The following DIS3L2 variants were observed in gnomAD, a reference collection of about 807,000 sequenced individuals.
The protein encoded by DIS3L2 is DIS3-like exonuclease 2.
DIS3L2 carries 34 observed loss-of-function variants against 97.5 expected under a neutral mutation model. That is an observed-to-expected ratio of 0.35 (90% CI 0.27 to 0.46). DIS3L2 has a LOEUF of 0.46. Ranked by LOEUF, DIS3L2 falls within the 20% of genes least tolerant of loss-of-function variation. DIS3L2 has a pLI of 1.00. For synonymous variants in DIS3L2, 435 were observed against 445.2 expected (o/e 0.98, Z 0.29); for missense variants, 1,038 against 1,146.0 (o/e 0.91, Z 1.36).
At chr2:232,039,809 G>C (rs1695059466) in intron 5 of DIS3L2, among the ~76,000 whole-genome samples, 1 of 152,158 alleles carries the variant, frequency 6.6e-6, no homozygotes, top group African/African-American at 2.4e-5. Context: ...CAGATCTCTT[G>C]ACTTACAGCT....
chr2:232,155,474 T>C (rs980519119), intron 8 of DIS3L2, among the ~76,000 whole-genome samples: 7 of 152,234 alleles, frequency 4.6e-5, no homozygotes, highest in Non-Finnish European at 7.3e-5. Context: ...CCCTGAGTTC[T>C]TGTATTTAGA....
At chr2:232,270,013 T>G (rs949385008) in intron 13 of DIS3L2, among the ~76,000 whole-genome samples, 18 of 152,074 alleles carry the variant, frequency 1.2e-4, no homozygotes, top group African/African-American at 3.1e-4. Context: ...TCGACAAGCC[T>G]GTAGCAAATT....
At chr2:232,231,615 A>G (rs981416211) in intron 10 of DIS3L2, among the ~76,000 whole-genome samples, 1 of 152,244 alleles carries the variant, frequency 6.6e-6, no homozygotes, top group African/African-American at 2.4e-5. Context: ...GTGAATTTTA[A>G]GTCACCTGAG....
At chr2:232,028,870 T>C (rs1349003803) in intron 4 of DIS3L2, among the ~76,000 whole-genome samples, 1 of 152,058 alleles carries the variant, frequency 6.6e-6, no homozygotes, top group Non-Finnish European at 1.5e-5. Flanking sequence ...TTTGGCAGAG[T>C]GTGCAAGCCA....
chr2:232,122,081 C>T (rs1697923495), intron 6 of DIS3L2, among the ~76,000 whole-genome samples: 1 of 152,172 alleles, frequency 6.6e-6, no homozygotes, highest in Non-Finnish European at 1.5e-5. Flanking sequence ...TCCTATAGCT[C>T]CCCATTGCCT....
intron 5 of DIS3L2, among the ~76,000 whole-genome samples, chr2:232,040,566 A>C (rs1285374418): frequency 6.6e-6 from 1 of 152,180 alleles, no homozygotes; most frequent in East Asian, 1.9e-4. Context: ...TTGGTTAACC[A>C]TAATGAGTTT....
intron 10 of DIS3L2, among the ~76,000 whole-genome samples, chr2:232,217,420 C>T (rs953338905): frequency 2.0e-5 from 3 of 152,214 alleles, no homozygotes; most frequent in African/African-American, 4.8e-5. Flanking sequence ...AGTTCTGCAG[C>T]ATATGCCAGC....
chr2:232,073,399 C>T (rs917209909), intron 5 of DIS3L2, among the ~76,000 whole-genome samples: 6 of 152,112 alleles, frequency 3.9e-5, no homozygotes, highest in East Asian at 1.9e-4. Flanking sequence ...AAGCCATTTC[C>T]GCGGAAAATG....
intron 8 of DIS3L2, among the ~76,000 whole-genome samples, chr2:232,162,606 G>A (rs373402112): frequency 1.3e-5 from 2 of 152,206 alleles, no homozygotes; most frequent in Non-Finnish European, 1.5e-5. Context: ...TGCTGAGGGC[G>A]GACTCTTGGA....
chr2:232,142,940 G>A (rs1690110605), intron 8 of DIS3L2, among the ~76,000 whole-genome samples: 1 of 152,124 alleles, frequency 6.6e-6, no homozygotes, highest in Non-Finnish European at 1.5e-5. Flanking sequence ...TCCAACATTG[G>A]ACCAACATGT....
chr2:232,237,652 C>T (rs1163332491), intron 10 of DIS3L2, among the ~76,000 whole-genome samples: 2 of 130,392 alleles, frequency 1.5e-5, no homozygotes, highest in African/African-American at 2.9e-5. Flanking sequence ...GTGTGGAGTA[C>T]GTGCTTTACA....
chr2:232,037,673 C>T lies in DIS3L2; in HGVS notation c.366+7593C>T, dbSNP rs146377902. ...CCAGGGCCCTTGTGGTATAGGCACCCGAGGGAATCTCCTGGTCTGAGGGTT... is the reference window on the plus strand; with the variant it reads ...CCAGGGCCCTTGTGGTATAGGCACCTGAGGGAATCTCCTGGTCTGAGGGTT... On this transcript the variant is annotated intron_variant, in intron 5 of 20. Coordinates refer to ENST00000325385, the MANE Select transcript of DIS3L2 (RefSeq NM_152383.5). The surrounding 1 kb of genome is among the most constrained non-coding windows in gnomAD (Gnocchi z 4.6). 5.5e-3 allele frequency among the ~76,000 whole-genome samples: 834 copies of T among 152,260 alleles called. 2 individuals are homozygous for T. The highest frequency in any genetic ancestry group is 0.034 in the Middle Eastern group (10 of 294).
intron 8 of DIS3L2, among the ~76,000 whole-genome samples, chr2:232,160,288 T>C (rs1319026795): frequency 6.6e-6 from 1 of 152,222 alleles, no homozygotes; most frequent in African/African-American, 2.4e-5. Context: ...TTCAGTTTCT[T>C]TAATAGATAC....
At chr2:232,010,756 C>T (rs1694176035) in intron 1 of DIS3L2, among the ~76,000 whole-genome samples, 1 of 152,188 alleles carries the variant, frequency 6.6e-6, no homozygotes, top group African/African-American at 2.4e-5. Flanking sequence ...ACTCCTGGGT[C>T]CTGCAAGTGT....
chr2:232,045,066 T>C (rs545161800), intron 5 of DIS3L2, among the ~76,000 whole-genome samples: 29 of 152,230 alleles, frequency 1.9e-4, no homozygotes, highest in African/African-American at 6.7e-4. Context: ...GAAAAAATCC[T>C]GGGTGTCATG....
At chr2:232,258,187 G>A (rs1325411358) in intron 12 of DIS3L2, among the ~76,000 whole-genome samples, 4 of 152,142 alleles carry the variant, frequency 2.6e-5, no homozygotes, top group African/African-American at 9.7e-5. Context: ...CCTTCAGTCA[G>A]TGTTGGCACT....
chr2:232,035,542 C>T (rs754859481), intron 5 of DIS3L2, among the ~76,000 whole-genome samples: 7 of 152,104 alleles, frequency 4.6e-5, no homozygotes, highest in Non-Finnish European at 8.8e-5. Context: ...CCTGTCATTA[C>T]GATGCTAGCT....
chr2:232,334,439 C>T lies in DIS3L2; in HGVS notation c.2229C>T (p.Arg743=), dbSNP rs1350662445. The change falls in exon 18 of 21, where the codon CGC becomes CGT. Residue 743 remains arginine, a synonymous_variant. Coordinates refer to ENST00000325385, the MANE Select transcript of DIS3L2 (RefSeq NM_152383.5). ...QKQADHCNDR[R]MASKRVQELS... ...AGGCGGACCACTGTAACGACCGCCG[C>T]ATGGCGTCCAAGCGCGTGCAGGAGC... 9.3e-6 allele frequency: 15 copies of T among 1,613,804 alleles called. No individual in the cohort carries two copies. Among genetic ancestry groups the T allele is most frequent in the Non-Finnish European group, 1.2e-5 (14 of 1,180,036 alleles).
At chr2:232,061,972 T>C (rs1480158535) in intron 5 of DIS3L2, among the ~76,000 whole-genome samples, 1 of 152,170 alleles carries the variant, frequency 6.6e-6, no homozygotes, top group Non-Finnish European at 1.5e-5. Flanking sequence ...CTAAACAACT[T>C]TTCTTTCTTT....
Sources: allele counts gnomAD v4.1 joint callset (sites outside exome capture counted in the v4.1 genomes callset), GRCh38; gene constraint gnomAD v4.1.1; non-coding constraint Gnocchi (gnomAD v3.1); transcripts MANE v1.5; gene names NCBI Gene and HGNC (gene_info 2026-07-23, HGNC 2026-07-21).